Variants in INPP4A observed in about 807,000 individuals in gnomAD.
INPP4A encodes the protein inositol polyphosphate-4-phosphatase type I A.
INPP4A carries 33 observed loss-of-function variants against 119.8 expected under a neutral mutation model. The ratio of observed to expected loss-of-function variants is 0.28; its 90% CI spans 0.21 to 0.37. The LOEUF is 0.37. Among genes scored for constraint, INPP4A ranks in the 10% least tolerant of loss-of-function variants. INPP4A has a pLI of 1.00. For missense variants in INPP4A, 956 were observed against 1,289.9 expected (o/e 0.74, Z 3.97); for synonymous variants, 496 against 500.7 (o/e 0.99, Z 0.12).
At chr2:98,469,470 A>T (rs533877887) in intron 1 of INPP4A, among the ~76,000 whole-genome samples, 16 of 151,214 alleles carry the variant, frequency 1.1e-4, no homozygotes, top group Non-Finnish European at 2.2e-4. Context: ...ATTGCACTCC[A>T]GCCTGGGCAA....
In INPP4A at chr2:98,570,095, C is replaced by A. The variant is rs1446664772; in HGVS notation, c.2518+1427C>A. On this transcript the variant is annotated intron_variant, in intron 22 of 24. Coordinates refer to ENST00000409851, the MANE Select transcript of INPP4A (RefSeq NM_001134225.2). This position sits in a 1 kb window ranked among gnomAD's most constrained non-coding sequence, Gnocchi z 4.3. The stretch of plus-strand genomic sequence containing the variant: ...ACAGACCTGGCTCTGGGCAAGGACG[C>A]TGGAGTTGCCGGCAACAGCTGGGGC... Among the ~76,000 whole-genome samples, 1 of 152,084 alleles carries A rather than the reference C, an allele frequency of 6.6e-6. No individual in the cohort carries two copies. The highest frequency in any genetic ancestry group is 1.5e-5 in the Non-Finnish European group (1 of 68,016).
intron 10 of INPP4A, among the ~76,000 whole-genome samples, chr2:98,542,422 T>TA (rs371048994): frequency 1.0e-4 from 15 of 150,104 alleles, no homozygotes; most frequent in South Asian, 2.1e-4. Context: ...GAGTGCAGTA[T>TA]AAAAAAAAAA....
At position 98,590,473 on chromosome 2, in the gene INPP4A, T is replaced by C. The variant is rs1700317952; in HGVS notation, c.*2865T>C. 2 of 190,882 alleles carry C rather than the reference T, an allele frequency of 1.0e-5. No individual in the cohort carries two copies. Among genetic ancestry groups the C allele is most frequent in the East Asian group, 8.3e-5 (1 of 12,022 alleles). 11.8% of individuals were successfully genotyped at this position (190,882 alleles called of 1,614,324 possible). ...AGCCTCCGTTTCCTCATGTGCAAAGTGTGGACAACAACAGTACCTTCCTCA... is the reference window on the plus strand; with the variant it reads ...AGCCTCCGTTTCCTCATGTGCAAAGCGTGGACAACAACAGTACCTTCCTCA... On this transcript the variant is annotated 3_prime_UTR_variant, in exon 25 of 25. Transcript: ENST00000409851.
In INPP4A at chr2:98,555,702, C is replaced by G; in HGVS notation, c.1716C>G (p.Asp572Glu). The change falls in exon 16 of 25, where the codon GAC (aspartate) becomes GAG (glutamate). Residue 572 changes from aspartate to glutamate, a missense_variant. Asp to Glu is a conservative substitution (Grantham distance 45). Around this residue, in one of 2 missense-constraint regions of INPP4A, gnomAD observed 652 missense variants for 797.9 expected, o/e 0.82. Coordinates refer to ENST00000409851, the MANE Select transcript of INPP4A (RefSeq NM_001134225.2). ...GCACCAGCAAGAAAGGTAACCCGGACAGCCACGCCTACTGGATCAGACCAG... is the reference window on the plus strand; with the variant it reads ...GCACCAGCAAGAAAGGTAACCCGGAGAGCCACGCCTACTGGATCAGACCAG... ...GSCTSKKGNP[D>E]SHAYWIRPED... is the part of the protein sequence containing the mutation. 1 of 1,613,384 alleles carries G rather than the reference C, an allele frequency of 6.2e-7. No individual in the cohort carries two copies. The highest frequency in any genetic ancestry group is 8.5e-7 in the Non-Finnish European group (1 of 1,179,554).
chr2:98,576,712 G>A (rs1029439875), intron 23 of INPP4A, among the ~76,000 whole-genome samples: 4 of 152,256 alleles, frequency 2.6e-5, no homozygotes, highest in African/African-American at 7.2e-5. Flanking sequence ...AGTGTCCTGT[G>A]GGAGAAGGCA....
chr2:98,538,189 C>T (rs945552092), intron 8 of INPP4A, among the ~76,000 whole-genome samples: 1 of 152,218 alleles, frequency 6.6e-6, no homozygotes, highest in Non-Finnish European at 1.5e-5. Context: ...GAGCCGGCTT[C>T]TGTTCTGGGT....
intron 1 of INPP4A, among the ~76,000 whole-genome samples, chr2:98,505,992 T>C (rs1327595232): frequency 6.6e-6 from 1 of 152,180 alleles, no homozygotes; most frequent in East Asian, 1.9e-4. Context: ...TAATTTCAGC[T>C]TAATTTAAGA....
At chr2:98,500,767 T>C (rs1490356472) in intron 1 of INPP4A, among the ~76,000 whole-genome samples, 2 of 152,116 alleles carry the variant, frequency 1.3e-5, no homozygotes, top group Admixed American at 1.3e-4. Context: ...TAATCAGATA[T>C]TGAGGAGGGG....
intron 1 of INPP4A, among the ~76,000 whole-genome samples, chr2:98,450,689 G>T (rs571585755): frequency 1.3e-5 from 2 of 152,312 alleles, no homozygotes; most frequent in South Asian, 4.1e-4. Context: ...CAATGGATTC[G>T]TATACAGAGT....
At chr2:98,521,773 G>C (rs1156342409) in intron 4 of INPP4A, 2 of 138,144 alleles carry the variant, frequency 1.4e-5, no homozygotes, top group African/African-American at 2.7e-5. Flanking sequence ...TTCTAAAAAA[G>C]AAAAAAAAAA....
At chr2:98,516,229 G>T (rs901528335) in intron 1 of INPP4A, among the ~76,000 whole-genome samples, 1 of 152,220 alleles carries the variant, frequency 6.6e-6, no homozygotes, top group Non-Finnish European at 1.5e-5. Context: ...TTAGCTTTGC[G>T]TTCTGGGCCT....
At chr2:98,579,460 C>T (rs193097207) in intron 24 of INPP4A, among the ~76,000 whole-genome samples, 2 of 152,366 alleles carry the variant, frequency 1.3e-5, no homozygotes, top group East Asian at 1.9e-4. Flanking sequence ...ATACATTCCC[C>T]TAGCCACATT....
In INPP4A at chr2:98,570,093, C is replaced by T. The variant is rs1697184811; in HGVS notation, c.2518+1425C>T. Reference sequence around the variant, plus strand: ...TGACAGACCTGGCTCTGGGCAAGGACGCTGGAGTTGCCGGCAACAGCTGGG... The same window carrying T: ...TGACAGACCTGGCTCTGGGCAAGGATGCTGGAGTTGCCGGCAACAGCTGGG... On this transcript the variant is annotated intron_variant, in intron 22 of 24. Coordinates refer to ENST00000409851, the MANE Select transcript of INPP4A (RefSeq NM_001134225.2). This position sits in a 1 kb window ranked among gnomAD's most constrained non-coding sequence, Gnocchi z 4.3. Among the ~76,000 whole-genome samples the T allele has an allele frequency of 6.6e-6, 1 of 152,040 alleles. No individual in the cohort carries two copies. The highest frequency in any genetic ancestry group is 6.5e-5 in the Admixed American group (1 of 15,280).
intron 1 of INPP4A, among the ~76,000 whole-genome samples, chr2:98,466,737 G>A (rs1307494266): frequency 6.6e-6 from 1 of 152,214 alleles, no homozygotes; most frequent in Non-Finnish European, 1.5e-5. Context: ...AGGTGATGAT[G>A]TCTATCTGTC....
At chr2:98,507,594 G>T (rs1307999076) in intron 1 of INPP4A, among the ~76,000 whole-genome samples, 1 of 152,116 alleles carries the variant, frequency 6.6e-6, no homozygotes, top group Non-Finnish European at 1.5e-5. Context: ...AGCCTGGGGG[G>T]CCTGGCTCAA....
At chr2:98,508,408 G>A (rs965366623) in intron 1 of INPP4A, among the ~76,000 whole-genome samples, 7 of 152,304 alleles carry the variant, frequency 4.6e-5, no homozygotes, top group African/African-American at 9.6e-5. Context: ...TTCCAGCTGC[G>A]TCTCCTGGAA....
chr2:98,488,055 C>G (rs1207565483), intron 1 of INPP4A, among the ~76,000 whole-genome samples: 1 of 152,148 alleles, frequency 6.6e-6, no homozygotes, highest in East Asian at 1.9e-4. Flanking sequence ...TAATCCAGTA[C>G]TAGGGTATTC....
chr2:98,585,100 ATTG>A (rs1204414088), intron 24 of INPP4A, among the ~76,000 whole-genome samples: 3 of 152,304 alleles, frequency 2.0e-5, no homozygotes, highest in Non-Finnish European at 2.9e-5. Context: ...GTCTTATAAA[ATTG>A]TTGTATAAGT....
intron 23 of INPP4A, among the ~76,000 whole-genome samples, chr2:98,574,039 C>T (rs1015455656): frequency 6.6e-5 from 10 of 152,176 alleles, no homozygotes; most frequent in Non-Finnish European, 1.0e-4. Flanking sequence ...TTCATTATAA[C>T]AGAACACATT....
Sources: gnomAD v4.1 joint callset for allele counts (sites outside exome capture counted in the v4.1 genomes callset) on GRCh38, gnomAD v4.1.1 for gene constraint, gnomAD v4.1.1 regional missense constraint, Gnocchi (gnomAD v3.1) non-coding constraint, MANE v1.5 for transcripts, NCBI Gene and HGNC (gene_info 2026-07-23, HGNC 2026-07-21) for gene names.